Variants in ADGRL2 observed in about 807,000 individuals in gnomAD.
ADGRL2 encodes the protein adhesion G protein-coupled receptor L2, also known as calcium-independent alpha-latrotoxin receptor 2.
ADGRL2 carries 44 observed loss-of-function variants against 157.4 expected under a neutral mutation model. The ratio of observed to expected loss-of-function variants is 0.28; its 90% confidence interval spans 0.22 to 0.36. ADGRL2 has a LOEUF of 0.36. Ranked by LOEUF, ADGRL2 falls within the 10% of genes least tolerant of loss-of-function variation. The probability of loss-of-function intolerance (pLI) is 1.00; values close to 1 mark genes in which losing one functional copy is unlikely to be tolerated. For missense variants in ADGRL2, 1,510 were observed against 1,768.9 expected (o/e 0.85, Z 2.63); for synonymous variants, 585 against 624.7 (o/e 0.94, Z 0.95).
chr1:81,713,879 T>A (rs143912007), intron 1 of ADGRL2, among the ~76,000 whole-genome samples: 2 of 152,278 alleles, frequency 1.3e-5, no homozygotes, highest in African/African-American at 4.8e-5. Context: ...ACACTGCTAA[T>A]AAAGACATAC....
intron 1 of ADGRL2, among the ~76,000 whole-genome samples, chr1:81,360,204 C>G (rs1001410056): frequency 1.3e-5 from 2 of 151,898 alleles, no homozygotes; most frequent in Non-Finnish European, 2.9e-5. Context: ...TTTAATATTC[C>G]TTAAACAAAT....
chr1:81,480,065 G>A (rs567728283), intron 2 of ADGRL2, among the ~76,000 whole-genome samples: 28 of 152,224 alleles, frequency 1.8e-4, no homozygotes, highest in Admixed American at 1.6e-3. Flanking sequence ...GATAGAAGAG[G>A]GAGGTCTCAA....
At chr1:81,502,939 A>C (rs2078886873) in intron 2 of ADGRL2, 1 of 1,611,394 alleles carries the variant, frequency 6.2e-7, no homozygotes, top group Non-Finnish European at 8.5e-7. Flanking sequence ...CCCAGCAACC[A>C]CTCTCAGGAA....
At chr1:81,800,368 C>G (rs1001038581), upstream of ADGRL2, 1 of 152,186 alleles carries the variant, frequency 6.6e-6, no homozygotes, top group Non-Finnish European at 1.5e-5. Context: ...GAGCGTCCCC[C>G]GCGCGCCGCA....
chr1:81,371,190 C>CCA (rs2076154613), intron 1 of ADGRL2, among the ~76,000 whole-genome samples: 1 of 152,176 alleles, frequency 6.6e-6, no homozygotes, highest in African/African-American at 2.4e-5. Context: ...CTAGAACCGA[C>CCA]CACCTCACCC....
At chr1:81,986,868 C>T (rs1558055885) in intron 21 of ADGRL2, 33 bp from the exon 22 acceptor site, 1 of 1,585,118 alleles carries the variant, frequency 6.3e-7, no homozygotes. Context: ...GTACTTTTCT[C>T]TGTTTTTTTG....
chr1:81,861,441 A>G (rs2093384462), intron 2 of ADGRL2, among the ~76,000 whole-genome samples: 1 of 152,248 alleles, frequency 6.6e-6, no homozygotes, highest in South Asian at 2.1e-4. Context: ...GCACTTTATA[A>G]GAGATGTCAG....
At chr1:81,474,262 T>C (rs966889585) in intron 2 of ADGRL2, among the ~76,000 whole-genome samples, 1 of 152,246 alleles carries the variant, frequency 6.6e-6, no homozygotes, top group Non-Finnish European at 1.5e-5. Context: ...AGAATCATTA[T>C]GTTTATTGTC....
chr1:81,882,294 T>G (rs1339850734), intron 2 of ADGRL2, among the ~76,000 whole-genome samples: 1 of 152,202 alleles, frequency 6.6e-6, no homozygotes, highest in Non-Finnish European at 1.5e-5. Flanking sequence ...ATTGAAGAAT[T>G]TGGTTTATGC....
intron 1 of ADGRL2, among the ~76,000 whole-genome samples, chr1:81,353,471 T>C (rs1663059201): frequency 6.6e-6 from 1 of 152,060 alleles, no homozygotes; most frequent in African/African-American, 2.4e-5. Context: ...CTAGAAAAGA[T>C]GCAGATTCAG....
At chr1:81,883,753 C>T (rs985501756) in intron 2 of ADGRL2, among the ~76,000 whole-genome samples, 2 of 151,976 alleles carry the variant, frequency 1.3e-5, no homozygotes, top group Non-Finnish European at 2.9e-5. Context: ...CTTCCTATTA[C>T]TAGTTCAACT....
At chr1:81,837,997 C>G (rs182542302) in intron 2 of ADGRL2, among the ~76,000 whole-genome samples, 83 of 151,838 alleles carry the variant, frequency 5.5e-4, no homozygotes, top group African/African-American at 1.9e-3. Flanking sequence ...TTAAAAAATT[C>G]CAATTCTTGA....
upstream of ADGRL2, among the ~76,000 whole-genome samples, chr1:81,697,691 AG>A (rs2083473855): frequency 6.6e-6 from 1 of 152,254 alleles, no homozygotes; most frequent in South Asian, 2.1e-4. Context: ...ACAATGAGCC[AG>A]TACCAGAGAT....
At chr1:81,364,029 T>G (rs188032420) in intron 1 of ADGRL2, among the ~76,000 whole-genome samples, 1 of 152,304 alleles carries the variant, frequency 6.6e-6, no homozygotes, top group Admixed American at 6.5e-5. Flanking sequence ...TGTATTTCTT[T>G]GTGAGGAAGA....
At chr1:81,346,068 T>G (rs769592330) in intron 1 of ADGRL2, among the ~76,000 whole-genome samples, 1 of 152,178 alleles carries the variant, frequency 6.6e-6, no homozygotes, top group African/African-American at 2.4e-5. Context: ...AGTGAGTTTG[T>G]AAAAATACTG....
At chr1:81,386,667 T>A (rs1333377451) in intron 1 of ADGRL2, among the ~76,000 whole-genome samples, 1 of 152,200 alleles carries the variant, frequency 6.6e-6, no homozygotes, top group Non-Finnish European at 1.5e-5. Context: ...CCTTTACTAA[T>A]CTGATGCAAA....
chr1:81,673,276 C>G (rs967636601), intron 3 of ADGRL2, among the ~76,000 whole-genome samples: 37 of 152,070 alleles, frequency 2.4e-4, no homozygotes, highest in Non-Finnish European at 1.0e-4. Context: ...TTAAAGTAAC[C>G]AATATACCCT....
chr1:81,570,978 T>C (rs1476800105), intron 2 of ADGRL2, among the ~76,000 whole-genome samples: 1 of 152,056 alleles, frequency 6.6e-6, no homozygotes, highest in African/African-American at 2.4e-5. Flanking sequence ...TCATAAACAA[T>C]ATTAAGTGAA....
chr1:81,884,005 T>G (rs2094058879), intron 2 of ADGRL2, among the ~76,000 whole-genome samples: 1 of 152,064 alleles, frequency 6.6e-6, no homozygotes, highest in Non-Finnish European at 1.5e-5. Flanking sequence ...TTTTTTTTTT[T>G]TTTAGGATAC....
Sources: allele counts gnomAD v4.1 joint callset (sites outside exome capture counted in the v4.1 genomes callset), GRCh38; gene constraint gnomAD v4.1.1; transcripts MANE v1.5; gene names NCBI Gene and HGNC (gene_info 2026-07-23, HGNC 2026-07-21).